The following BRINP3 variants were observed in gnomAD, a reference collection of about 807,000 sequenced individuals.
BRINP3 encodes the protein BMP/retinoic acid inducible neural specific 3.
In BRINP3, 19 loss-of-function variants were observed where a neutral mutation model predicts 71.0. That is an observed-to-expected ratio of 0.27 (90% CI 0.19 to 0.39). The LOEUF (loss-of-function observed/expected upper bound fraction) is 0.39, where lower values mean the gene tolerates loss of function less well. Ranked by LOEUF, BRINP3 falls within the 10% of genes least tolerant of loss-of-function variation. BRINP3 has a pLI of 1.00. For synonymous variants in BRINP3, 380 were observed against 337.7 expected (o/e 1.13, Z -1.37); for missense variants, 959 against 940.8 (o/e 1.02, Z -0.25).
At chr1:190,256,661 A>T (rs1660689452) in intron 4 of BRINP3, among the ~76,000 whole-genome samples, 1 of 151,698 alleles carries the variant, frequency 6.6e-6, no homozygotes, top group Admixed American at 6.6e-5. Flanking sequence ...TCCTTCAGGA[A>T]CTCTTGTAAG....
At chr1:190,252,681 T>C (rs552012522) in intron 4 of BRINP3, among the ~76,000 whole-genome samples, 1 of 152,220 alleles carries the variant, frequency 6.6e-6, no homozygotes, top group Non-Finnish European at 1.5e-5. Flanking sequence ...TATCTTATAC[T>C]GAGCTCTGAT....
chr1:190,451,963 A>T (rs185848901), intron 2 of BRINP3, among the ~76,000 whole-genome samples: 18 of 152,328 alleles, frequency 1.2e-4, no homozygotes, highest in African/African-American at 4.3e-4. Context: ...GCCTTTCAGA[A>T]ACAATGTCAA....
At chr1:190,103,233 GAT>G (rs776224190) in intron 7 of BRINP3, among the ~76,000 whole-genome samples, 1 of 151,948 alleles carries the variant, frequency 6.6e-6, no homozygotes, top group Non-Finnish European at 1.5e-5. Flanking sequence ...GTGGACTATC[GAT>G]AGTTTTCTGA....
At chr1:190,099,662 C>T (rs1269397807) in intron 7 of BRINP3, among the ~76,000 whole-genome samples, 1 of 152,066 alleles carries the variant, frequency 6.6e-6, no homozygotes, top group Non-Finnish European at 1.5e-5. Context: ...AAAAACAGCT[C>T]TAAATTGTCA....
intron 1 of BRINP3, among the ~76,000 whole-genome samples, chr1:190,456,445 A>T (rs967169367): frequency 6.6e-6 from 1 of 152,090 alleles, no homozygotes; most frequent in African/African-American, 2.4e-5. Context: ...ATAAGAAGGA[A>T]TATTATAATA....
intron 2 of BRINP3, among the ~76,000 whole-genome samples, chr1:190,347,228 CCTCCCAGGT>C (rs2102021783): frequency 6.6e-6 from 1 of 152,224 alleles, no homozygotes; most frequent in Admixed American, 6.5e-5. Flanking sequence ...ACAACCTCTG[CCTCCCAGGT>C]TCAAGGGATT....
chr1:190,451,891 G>A (rs559200040), intron 2 of BRINP3, among the ~76,000 whole-genome samples: 10 of 152,194 alleles, frequency 6.6e-5, no homozygotes, highest in Non-Finnish European at 1.2e-4. Context: ...AGAAAGACAA[G>A]TGAAAATAGA....
At chr1:190,417,088 T>C (rs1471754547) in intron 2 of BRINP3, among the ~76,000 whole-genome samples, 1 of 152,164 alleles carries the variant, frequency 6.6e-6, no homozygotes, top group Non-Finnish European at 1.5e-5. Flanking sequence ...CACCTCAGAA[T>C]TGTGTAGAAT....
chr1:190,150,078 C>A (rs189946791), intron 7 of BRINP3, among the ~76,000 whole-genome samples: 1 of 151,964 alleles, frequency 6.6e-6, no homozygotes, highest in Admixed American at 6.6e-5. Context: ...GGGATTTGTG[C>A]TGGTATGCAT....
At chr1:190,128,328 A>T (rs1390135263) in intron 7 of BRINP3, among the ~76,000 whole-genome samples, 1 of 151,812 alleles carries the variant, frequency 6.6e-6, no homozygotes, top group Non-Finnish European at 1.5e-5. Context: ...ATTTTTTGTA[A>T]TTACATAACT....
intron 1 of BRINP3, among the ~76,000 whole-genome samples, chr1:190,471,521 G>A (rs1028088435): frequency 2.0e-5 from 3 of 151,390 alleles, no homozygotes; most frequent in Admixed American, 2.0e-4. Context: ...GTTATACTTC[G>A]AAGTGTCTAA....
intron 2 of BRINP3, among the ~76,000 whole-genome samples, chr1:190,396,713 G>GATACATATAT (rs1553310923): frequency 9.9e-6 from 1 of 101,022 alleles, no homozygotes; most frequent in African/African-American, 3.8e-5. Context: ...CTAATTTAAT[G>GATACATATAT]ATATATATAT....
At chr1:190,338,542 T>C (rs1667440132) in intron 2 of BRINP3, among the ~76,000 whole-genome samples, 1 of 151,996 alleles carries the variant, frequency 6.6e-6, no homozygotes, top group Non-Finnish European at 1.5e-5. Flanking sequence ...TAAGAAATGT[T>C]TGTAGACCAG....
At chr1:190,270,921 C>T (rs1160002629) in intron 3 of BRINP3, among the ~76,000 whole-genome samples, 5 of 151,470 alleles carry the variant, frequency 3.3e-5, no homozygotes, top group African/African-American at 7.3e-5. Flanking sequence ...GAGACTTCCA[C>T]GTTTTTAAAA....
intron 2 of BRINP3, among the ~76,000 whole-genome samples, chr1:190,366,728 C>T (rs1669529243): frequency 6.6e-6 from 1 of 152,036 alleles, no homozygotes; most frequent in South Asian, 2.1e-4. Flanking sequence ...GTAAATACAC[C>T]CATTCGAAAT....
chr1:190,133,183 C>T (rs1189181039), intron 7 of BRINP3, among the ~76,000 whole-genome samples: 1 of 152,066 alleles, frequency 6.6e-6, no homozygotes, highest in African/African-American at 2.4e-5. Flanking sequence ...CCATAGATAA[C>T]TAGCATTTTA....
chr1:190,376,434 T>C (rs1670186006), intron 2 of BRINP3, among the ~76,000 whole-genome samples: 2 of 152,072 alleles, frequency 1.3e-5, no homozygotes, highest in South Asian at 4.1e-4. Context: ...GTCTGCCTAC[T>C]TATTTATAAC....
chr1:190,241,399 C>G (rs1659079632), intron 4 of BRINP3, among the ~76,000 whole-genome samples: 1 of 152,058 alleles, frequency 6.6e-6, no homozygotes, highest in Admixed American at 6.6e-5. Flanking sequence ...AAACAACACA[C>G]TGGCTTTCCA....
intron 2 of BRINP3, among the ~76,000 whole-genome samples, chr1:190,413,898 G>GA (rs929552172): frequency 3.3e-5 from 5 of 151,768 alleles, no homozygotes; most frequent in Admixed American, 6.6e-5. Flanking sequence ...TAAAACCACT[G>GA]AAAAAAAATG....
Sources: gnomAD v4.1 joint callset for allele counts (sites outside exome capture counted in the v4.1 genomes callset) on GRCh38, gnomAD v4.1.1 for gene constraint, MANE v1.5 for transcripts, NCBI Gene and HGNC (gene_info 2026-07-23, HGNC 2026-07-21) for gene names.